RNF180: variants seen among roughly 807,000 people sequenced by gnomAD.
RNF180 encodes E3 ubiquitin-protein ligase RNF180.
Under a neutral mutation model 59.2 loss-of-function variants are expected in RNF180, and 38 were observed. The ratio of observed to expected loss-of-function variants is 0.64; its 90% CI spans 0.50 to 0.84. The LOEUF (loss-of-function observed/expected upper bound fraction) is 0.84, where lower values mean the gene tolerates loss of function less well. RNF180 is among the 40% of genes least tolerant of loss of function. The pLI is 0.00. For missense variants in RNF180, 705 were observed against 700.9 expected (o/e 1.01, Z -0.07); for synonymous variants, 262 against 240.3 (o/e 1.09, Z -0.84).
At chr5:64,246,093 G>A (rs1743140531) in intron 5 of RNF180, among the ~76,000 whole-genome samples, 1 of 152,082 alleles carries the variant, frequency 6.6e-6, no homozygotes, top group Admixed American at 6.5e-5. Context: ...CAACATACCG[G>A]AATTTCTGGG....
intron 2 of RNF180, among the ~76,000 whole-genome samples, chr5:64,210,309 T>C (rs1255737690): frequency 6.6e-6 from 1 of 152,124 alleles, no homozygotes; most frequent in African/African-American, 2.4e-5. Flanking sequence ...TGCAGGCTCT[T>C]TCCTTCAGTG....
chr5:64,300,297 G>A (rs771805020), intron 5 of RNF180, among the ~76,000 whole-genome samples: 5 of 151,736 alleles, frequency 3.3e-5, no homozygotes, highest in Non-Finnish European at 5.9e-5. Flanking sequence ...CTCAAATTGC[G>A]AAAGTTAAAC....
rs1007265284 is a variant in RNF180, at chr5:64,369,918, C to T, written c.*104C>T. The T allele has an allele frequency of 8.3e-6, 5 of 604,140 alleles. No homozygotes were observed. Among genetic ancestry groups the T allele is most frequent in the East Asian group, 6.2e-5 (2 of 32,334 alleles). 37.4% of individuals were successfully genotyped at this position (604,140 alleles called of 1,614,324 possible). ...GAAGTTTTTTTAATGTTGCATTATA[C>T]AAATTGTTGATGTTTATAGAAAGCC... is the stretch of plus-strand genomic sequence containing the variant. On this transcript the variant is annotated 3_prime_UTR_variant, in exon 8 of 8. Coordinates refer to ENST00000389100, the MANE Select transcript of RNF180 (RefSeq NM_001113561.2).
At chr5:64,166,983 T>A (rs1749676397) in intron 1 of RNF180, among the ~76,000 whole-genome samples, 2 of 152,242 alleles carry the variant, frequency 1.3e-5, no homozygotes. Flanking sequence ...CCTGTTATAG[T>A]ACCCCTAAAA....
chr5:64,208,687 C>G (rs1268955880), intron 2 of RNF180, among the ~76,000 whole-genome samples: 1 of 151,882 alleles, frequency 6.6e-6, no homozygotes, highest in African/African-American at 2.4e-5. Flanking sequence ...TTACCCTGGT[C>G]CATGTGTAAA....
At chr5:64,346,359 CTTTTTTTT>C (rs1162054033) in intron 7 of RNF180, among the ~76,000 whole-genome samples, 10 of 42,954 alleles carry the variant, frequency 2.3e-4, no homozygotes, top group Non-Finnish European at 3.1e-4. Context: ...TTCTTTTCTT[CTTTTTTTT>C]TTTTTTTTTT....
chr5:64,291,589 T>TG lies in RNF180; in HGVS notation c.1228-33597_1228-33596insG, dbSNP rs1446207143. On this transcript the variant is annotated intron_variant, in intron 5 of 7. Coordinates refer to ENST00000389100, the MANE Select transcript of RNF180 (RefSeq NM_001113561.2). ...ACAAGTGCCCACCACCGCACCCGGC[T>TG]AATTTTTTTTTGTATTTTTAGTAGA... 2.2e-5 allele frequency among the ~76,000 whole-genome samples: 3 copies of TG among 134,600 alleles called. No individual in the cohort carries two copies. The East Asian group carries it at 6.1e-4, about 27-fold the overall frequency. 88.3% of individuals were successfully genotyped at this position (134,600 alleles called of 152,430 possible).
chr5:64,354,465 C>T (rs1445608291), intron 7 of RNF180, among the ~76,000 whole-genome samples: 1 of 151,630 alleles, frequency 6.6e-6, no homozygotes, highest in Non-Finnish European at 1.5e-5. Context: ...TCACAAACTT[C>T]CCAAGAAAGA....
chr5:64,277,786 CCTT>C (rs748625069), intron 5 of RNF180, among the ~76,000 whole-genome samples: 2 of 152,142 alleles, frequency 1.3e-5, no homozygotes, highest in African/African-American at 2.4e-5. Context: ...AGTGTCAGCT[CCTT>C]CTTCTCCTTT....
intron 3 of RNF180, among the ~76,000 whole-genome samples, chr5:64,212,993 G>A (rs1283419386): frequency 6.6e-6 from 1 of 152,172 alleles, no homozygotes; most frequent in Non-Finnish European, 1.5e-5. Context: ...CACTATCTCA[G>A]TTGGAAAGAT....
At chr5:64,320,848 C>A (rs993448771) in intron 5 of RNF180, among the ~76,000 whole-genome samples, 2 of 152,138 alleles carry the variant, frequency 1.3e-5, no homozygotes, top group African/African-American at 4.8e-5. Flanking sequence ...ACCATCCTGG[C>A]TAATACGGTG....
chr5:64,216,001 T>G (rs1752602823), intron 4 of RNF180, among the ~76,000 whole-genome samples: 1 of 151,910 alleles, frequency 6.6e-6, no homozygotes, highest in Admixed American at 6.6e-5. Flanking sequence ...TTTTTTTTTG[T>G]ATAGATGAAG....
chr5:64,216,874 C>G (rs1183865965), intron 4 of RNF180, among the ~76,000 whole-genome samples: 1 of 152,074 alleles, frequency 6.6e-6, no homozygotes, highest in East Asian at 1.9e-4. Flanking sequence ...AAATTATTCT[C>G]TACATACAGC....
At chr5:64,230,019 G>T (rs1742007711) in intron 5 of RNF180, among the ~76,000 whole-genome samples, 1 of 151,992 alleles carries the variant, frequency 6.6e-6, no homozygotes, top group Admixed American at 6.6e-5. Context: ...AGATATTTTT[G>T]CATTGTACAT....
chr5:64,324,232 A>G (rs559950215), intron 5 of RNF180, among the ~76,000 whole-genome samples: 7 of 152,320 alleles, frequency 4.6e-5, no homozygotes, highest in African/African-American at 1.7e-4. Flanking sequence ...TAATTACTGG[A>G]GCTTCTCCTG....
intron 5 of RNF180, among the ~76,000 whole-genome samples, chr5:64,317,605 CACACACACACACATATAT>C (rs1203852820): frequency 8.5e-5 from 10 of 117,688 alleles, no homozygotes; most frequent in Admixed American, 1.8e-4. Context: ...TATACACACA[CACACACACACACATATAT>C]ACACACACAC....
chr5:64,356,786 A>G (rs572561746), intron 7 of RNF180, among the ~76,000 whole-genome samples: 11 of 152,010 alleles, frequency 7.2e-5, no homozygotes, highest in African/African-American at 2.6e-4. Context: ...ACAAATTCAT[A>G]TAGAAAGAAA....
chr5:64,255,589 C>T (rs993060915), intron 5 of RNF180, among the ~76,000 whole-genome samples: 1 of 152,120 alleles, frequency 6.6e-6, no homozygotes, highest in Non-Finnish European at 1.5e-5. Context: ...TTTCTTAATC[C>T]AATCTATCAT....
At chr5:64,355,181 A>C (rs1196396035) in intron 7 of RNF180, among the ~76,000 whole-genome samples, 3 of 151,976 alleles carry the variant, frequency 2.0e-5, no homozygotes, top group Non-Finnish European at 4.4e-5. Context: ...AAAATCCCAA[A>C]GAATTCAGAA....
Sources: gnomAD v4.1 joint callset for allele counts (sites outside exome capture counted in the v4.1 genomes callset) on GRCh38, gnomAD v4.1.1 for gene constraint, MANE v1.5 for transcripts, NCBI Gene and HGNC (gene_info 2026-07-23, HGNC 2026-07-21) for gene names.